The following RBMS1 variants were observed in gnomAD, a reference collection of about 807,000 sequenced individuals.
RBMS1 encodes the protein RNA binding motif single stranded interacting protein 1.
RBMS1 carries 17 observed loss-of-function variants against 62.3 expected under a neutral mutation model. The ratio of observed to expected loss-of-function variants is 0.27; its 90% CI spans 0.19 to 0.41. The LOEUF is 0.41. RBMS1 is among the 10% of genes least tolerant of loss of function. The pLI is 1.00. For synonymous variants in RBMS1, 172 were observed against 170.0 expected, an observed-to-expected ratio of 1.01 and a Z score of -0.09; for missense variants, 334 against 504.5, an observed-to-expected ratio of 0.66 and a Z score of 3.24.
intron 2 of RBMS1, among the ~76,000 whole-genome samples, chr2:160,359,382 T>A (rs1382547587): frequency 6.6e-6 from 1 of 152,168 alleles, no homozygotes; most frequent in Non-Finnish European, 1.5e-5. Flanking sequence ...CTAAAATAAA[T>A]GTAATAACTA....
At chr2:160,333,117 G>A (rs955784740) in intron 2 of RBMS1, among the ~76,000 whole-genome samples, 4 of 152,080 alleles carry the variant, frequency 2.6e-5, no homozygotes, top group Admixed American at 2.0e-4. Flanking sequence ...TCACCCCAGA[G>A]GCTGCTGGGT....
intron 1 of RBMS1, among the ~76,000 whole-genome samples, chr2:160,487,220 C>G (rs1164982647): frequency 6.6e-6 from 1 of 152,132 alleles, no homozygotes; most frequent in African/African-American, 2.4e-5. Context: ...TCTAAAATTC[C>G]CAGATTTATT....
intron 1 of RBMS1, among the ~76,000 whole-genome samples, chr2:160,380,103 A>G (rs774521405): frequency 1.9e-4 from 29 of 152,240 alleles, no homozygotes; most frequent in Non-Finnish European, 4.3e-4. Flanking sequence ...CGAGTACCCA[A>G]AATGAGTTTT....
intron 1 of RBMS1, among the ~76,000 whole-genome samples, chr2:160,440,841 G>A (rs1012841441): frequency 2.0e-5 from 3 of 152,198 alleles, no homozygotes; most frequent in Non-Finnish European, 4.4e-5. Flanking sequence ...TCATCAGTGT[G>A]TAATCATTTT....
chr2:160,431,823 C>T (rs1487732932), intron 1 of RBMS1, among the ~76,000 whole-genome samples: 1 of 152,126 alleles, frequency 6.6e-6, no homozygotes, highest in Admixed American at 6.5e-5. Flanking sequence ...ATTACTTATA[C>T]CAGAAAATCT....
chr2:160,303,950 G>A (rs566978482), intron 4 of RBMS1, among the ~76,000 whole-genome samples: 5 of 152,134 alleles, frequency 3.3e-5, no homozygotes, highest in South Asian at 2.1e-4. Flanking sequence ...CTAAATTTCC[G>A]TCCTCTGCTC....
At chr2:160,460,200 T>A (rs1233476561) in intron 1 of RBMS1, among the ~76,000 whole-genome samples, 3 of 152,170 alleles carry the variant, frequency 2.0e-5, no homozygotes. Flanking sequence ...TTTTGCTTTT[T>A]GTGGGGAATA....
chr2:160,300,080 A>G (rs1350079657), intron 6 of RBMS1, among the ~76,000 whole-genome samples: 1 of 152,228 alleles, frequency 6.6e-6, no homozygotes, highest in African/African-American at 2.4e-5. Flanking sequence ...GACCAGACTT[A>G]GTAGGAAAGA....
chr2:160,289,959 T>C (rs780766482), intron 6 of RBMS1, among the ~76,000 whole-genome samples: 30 of 149,950 alleles, frequency 2.0e-4, no homozygotes, highest in Non-Finnish European at 3.0e-4. Flanking sequence ...GTAATTGATA[T>C]GTGGTCTTAC....
chr2:160,298,565 G>A (rs535833190), intron 6 of RBMS1, among the ~76,000 whole-genome samples: 165 of 152,140 alleles, frequency 1.1e-3, no homozygotes, highest in African/African-American at 3.7e-3. Context: ...ACACAAGATG[G>A]GAAGAAAACG....
intron 13 of RBMS1, chr2:160,275,372 C>A: frequency 2.5e-6 from 1 of 403,044 alleles, no homozygotes; most frequent in Non-Finnish European, 3.7e-6. Context: ...TCTGATGTTA[C>A]AGATTTTTAT....
chr2:160,405,833 G>A (rs1695675563), intron 1 of RBMS1, among the ~76,000 whole-genome samples: 1 of 151,990 alleles, frequency 6.6e-6, no homozygotes, highest in Non-Finnish European at 1.5e-5. Context: ...CTAACACCCC[G>A]CCGGGTTTTG....
chr2:160,317,627 C>G (rs944586549), intron 3 of RBMS1, among the ~76,000 whole-genome samples: 11 of 152,112 alleles, frequency 7.2e-5, no homozygotes, highest in African/African-American at 2.4e-4. Flanking sequence ...CCTCCCCTCC[C>G]TATTACAATT....
chr2:160,468,454 G>A (rs547398642), intron 1 of RBMS1, among the ~76,000 whole-genome samples: 11 of 152,260 alleles, frequency 7.2e-5, no homozygotes, highest in South Asian at 2.1e-4. Flanking sequence ...TTGAGTAGGC[G>A]TTTTTACTGC....
intron 2 of RBMS1, among the ~76,000 whole-genome samples, chr2:160,343,448 G>T (rs919582065): frequency 6.6e-6 from 1 of 152,070 alleles, no homozygotes; most frequent in Non-Finnish European, 1.5e-5. Context: ...CTTTGTCCTG[G>T]GTCTGCATAT....
intron 1 of RBMS1, among the ~76,000 whole-genome samples, chr2:160,400,519 T>A (rs913656598): frequency 6.6e-6 from 1 of 151,926 alleles, no homozygotes; most frequent in Admixed American, 6.6e-5. Flanking sequence ...GTGGAGAAAA[T>A]TTATCTGTCC....
chr2:160,282,040 G>C (rs796798492), intron 9 of RBMS1: 103 of 339,000 alleles, frequency 3.0e-4, no homozygotes, highest in African/African-American at 2.1e-3. Context: ...TTTGTGGCAG[G>C]AAAGAAAGCA....
chr2:160,352,247 C>T (rs1034917788), intron 2 of RBMS1, among the ~76,000 whole-genome samples: 4 of 152,072 alleles, frequency 2.6e-5, no homozygotes, highest in African/African-American at 9.7e-5. Flanking sequence ...ACTCTATGTG[C>T]AATGCACGGT....
intron 1 of RBMS1, among the ~76,000 whole-genome samples, chr2:160,416,967 TG>T (rs1263369629): frequency 2.4e-4 from 36 of 152,330 alleles, no homozygotes; most frequent in African/African-American, 8.4e-4. Context: ...TATTCTGTAC[TG>T]GTCAACTTAT....
Sources: allele counts gnomAD v4.1 joint callset (sites outside exome capture counted in the v4.1 genomes callset), GRCh38; gene constraint gnomAD v4.1.1; transcripts MANE v1.5; gene names NCBI Gene and HGNC (gene_info 2026-07-23, HGNC 2026-07-21).